The following ENOX1 variants were observed in gnomAD, a reference collection of about 807,000 sequenced individuals.
The protein encoded by ENOX1 is ecto-NOX disulfide-thiol exchanger 1.
ENOX1 carries 42 observed loss-of-function variants against 82.5 expected under a neutral mutation model. The ratio of observed to expected loss-of-function variants is 0.51; its 90% confidence interval spans 0.40 to 0.66. The LOEUF is 0.66. Ranked by LOEUF, ENOX1 falls within the 30% of genes least tolerant of loss-of-function variation. The pLI is 0.00. For synonymous variants in ENOX1, 271 were observed against 282.2 expected, an observed-to-expected ratio of 0.96 and a Z score of 0.40; for missense variants, 608 against 811.6, an observed-to-expected ratio of 0.75 and a Z score of 3.05.
chr13:43,313,591 G>GA (rs1006911530), intron 11 of ENOX1, among the ~76,000 whole-genome samples: 6 of 151,716 alleles, frequency 4.0e-5, no homozygotes, highest in South Asian at 2.1e-4. Flanking sequence ...GAAATGCACA[G>GA]AAAAAAAATC....
chr13:43,588,523 T>C (rs936036546), intron 2 of ENOX1, among the ~76,000 whole-genome samples: 2 of 152,222 alleles, frequency 1.3e-5, no homozygotes, highest in Non-Finnish European at 1.5e-5. Context: ...TGGACCAGTA[T>C]GATCTCTAAA....
intron 2 of ENOX1, among the ~76,000 whole-genome samples, chr13:43,493,039 C>T (rs1402095547): frequency 6.6e-6 from 1 of 152,074 alleles, no homozygotes; most frequent in Non-Finnish European, 1.5e-5. Flanking sequence ...GAGCTTCTTC[C>T]CTAGATCTCC....
intron 2 of ENOX1, among the ~76,000 whole-genome samples, chr13:43,581,684 A>G (rs1279115256): frequency 6.6e-6 from 1 of 152,202 alleles, no homozygotes; most frequent in Non-Finnish European, 1.5e-5. Flanking sequence ...TTGATTGTCA[A>G]AATGAGCTGG....
intron 5 of ENOX1, among the ~76,000 whole-genome samples, chr13:43,411,461 C>T: frequency 6.6e-6 from 1 of 152,166 alleles, no homozygotes; most frequent in East Asian, 1.9e-4. Context: ...GAGTTTATAG[C>T]TCTGCCATTT....
intron 11 of ENOX1, among the ~76,000 whole-genome samples, chr13:43,298,926 C>G (rs1262663407): frequency 1.3e-5 from 2 of 152,198 alleles, no homozygotes; most frequent in Admixed American, 6.5e-5. Flanking sequence ...GATTGCTTAG[C>G]TACTTGGAGG....
intron 3 of ENOX1, among the ~76,000 whole-genome samples, chr13:43,479,118 G>A (rs2153654412): frequency 6.6e-6 from 1 of 152,206 alleles, no homozygotes; most frequent in South Asian, 2.1e-4. Context: ...CTGGGTGTTG[G>A]CAACAGTAAG....
intron 2 of ENOX1, chr13:43,544,976 T>C (rs905579558): frequency 1.3e-5 from 2 of 152,166 alleles, no homozygotes; most frequent in African/African-American, 4.8e-5. Flanking sequence ...CGTACTTATT[T>C]TCTTTCAAAA....
intron 2 of ENOX1, among the ~76,000 whole-genome samples, chr13:43,623,240 C>A (rs774814971): frequency 2.0e-5 from 3 of 152,124 alleles, no homozygotes; most frequent in Non-Finnish European, 4.4e-5. Context: ...GTCTGCACAC[C>A]GGATTTGCGC....
intron 1 of ENOX1, among the ~76,000 whole-genome samples, chr13:43,670,174 A>C (rs1033607917): frequency 6.6e-6 from 1 of 152,178 alleles, no homozygotes; most frequent in Non-Finnish European, 1.5e-5. Flanking sequence ...CCCATTAGGA[A>C]GCCTTACAAG....
chr13:43,623,881 C>T (rs1376285676), intron 2 of ENOX1, among the ~76,000 whole-genome samples: 3 of 152,120 alleles, frequency 2.0e-5, no homozygotes, highest in African/African-American at 7.2e-5. Context: ...AATAAAGCTG[C>T]TATGAATATT....
At chr13:43,388,079 GC>G (rs1201016584) in intron 5 of ENOX1, among the ~76,000 whole-genome samples, 1 of 152,160 alleles carries the variant, frequency 6.6e-6, no homozygotes, top group Non-Finnish European at 1.5e-5. Flanking sequence ...TCTGAAAATA[GC>G]AGAGTTGGAA....
chr13:43,622,431 T>A (rs1594142544), intron 2 of ENOX1, among the ~76,000 whole-genome samples: 1 of 152,200 alleles, frequency 6.6e-6, no homozygotes, highest in Non-Finnish European at 1.5e-5. Flanking sequence ...TTTTGTCTCA[T>A]GTGGTGTTCC....
At chr13:43,473,845 G>GCC (rs1457014672) in intron 3 of ENOX1, among the ~76,000 whole-genome samples, 1 of 152,086 alleles carries the variant, frequency 6.6e-6, no homozygotes, top group African/African-American at 2.4e-5. Context: ...GAAGTCAGGT[G>GCC]CCCTGCACTT....
At position 43,280,030 on chromosome 13, in the gene ENOX1, GATTT is replaced by G. The variant is rs1162950600; in HGVS notation, c.1447-10457_1447-10454del. Among the ~76,000 whole-genome samples, 7 of 152,322 alleles carry G rather than the reference GATTT, an allele frequency of 4.6e-5. No homozygotes were observed. The East Asian group carries it at 1.3e-3, about 29-fold the overall frequency. ...TGCAAATGGTAATCCAATTTGCTTG[GATTT>G]ATTTATTCTTATCAGTTTTGTTTTT... On this transcript the variant is annotated intron_variant, in intron 12 of 16. Transcript: ENST00000690772.
intron 11 of ENOX1, 107 bp from the exon 12 acceptor site, chr13:43,298,637 A>C: frequency 1.8e-6 from 2 of 1,081,188 alleles, no homozygotes; most frequent in Non-Finnish European, 2.6e-6. Context: ...TGTTTGTACC[A>C]GCTCAGAAAT....
At chr13:43,230,005 G>T (rs2042205532) in intron 15 of ENOX1, among the ~76,000 whole-genome samples, 1 of 152,164 alleles carries the variant, frequency 6.6e-6, no homozygotes, top group Non-Finnish European at 1.5e-5. Context: ...GCAACAAAAA[G>T]GGATTTGAAG....
At chr13:43,601,148 A>G (rs1315091748) in intron 2 of ENOX1, among the ~76,000 whole-genome samples, 1 of 152,158 alleles carries the variant, frequency 6.6e-6, no homozygotes, top group Non-Finnish European at 1.5e-5. Flanking sequence ...ACAAGCATTA[A>G]GACCATCCAG....
Position 43,616,186 on chromosome 13 carries a change from C to CTAGATATA in ENOX1, c.-219+51292_-219+51293insTATATCTA, listed in dbSNP as rs1566642235. Among the ~76,000 whole-genome samples, 48 of 6,958 alleles carry CTAGATATA rather than the reference C, an allele frequency of 6.9e-3. 2 individuals are homozygous for CTAGATATA. Among genetic ancestry groups the CTAGATATA allele is most frequent in the African/African-American group, 8.4e-3 (46 of 5,488 alleles). The allele number at this position is 6,958 out of a possible 152,430, so 4.6% of individuals were successfully genotyped here. On this transcript the variant is annotated intron_variant, in intron 2 of 16. Transcript: ENST00000690772. Reference sequence around the variant, plus strand: ...TCTATCTATCTATCTATCTATCTATCTATATATATATATATATATTTTTTT... The same window carrying CTAGATATA: ...TCTATCTATCTATCTATCTATCTATCTAGATATATATATATATATATATATATTTTTTT...
At chr13:43,638,849 C>A (rs1843939702) in intron 2 of ENOX1, among the ~76,000 whole-genome samples, 1 of 152,174 alleles carries the variant, frequency 6.6e-6, no homozygotes, top group Non-Finnish European at 1.5e-5. Flanking sequence ...TGATGGATGG[C>A]ATTACATGAT....
Sources: gnomAD v4.1 joint callset for allele counts (sites outside exome capture counted in the v4.1 genomes callset) on GRCh38, gnomAD v4.1.1 for gene constraint, MANE v1.5 for transcripts, NCBI Gene and HGNC (gene_info 2026-07-23, HGNC 2026-07-21) for gene names.